The following NRXN3 variants were observed in gnomAD, a reference collection of about 807,000 sequenced individuals.
NRXN3 encodes neurexin 3, also known as neurexin III.
NRXN3 carries 32 observed loss-of-function variants against 137.6 expected under a neutral mutation model. That is an observed-to-expected ratio of 0.23 (90% CI 0.18 to 0.31). The LOEUF (loss-of-function observed/expected upper bound fraction) is 0.31. NRXN3 is among the 10% of genes least tolerant of loss of function. The pLI is 1.00. For missense variants in NRXN3, 1,574 were observed against 2,062.5 expected (o/e 0.76, Z 4.59); for synonymous variants, 798 against 784.5 (o/e 1.02, Z -0.29).
intron 4 of NRXN3, among the ~76,000 whole-genome samples, chr14:78,363,567 G>A (rs2085455692): frequency 6.6e-6 from 1 of 152,168 alleles, no homozygotes; most frequent in Non-Finnish European, 1.5e-5. Context: ...GTTAGTCAAT[G>A]TCAGAACCTC....
chr14:78,967,284 A>C lies in NRXN3; in HGVS notation c.2854A>C (p.Asn952His). Residue 952 changes from asparagine to histidine, a missense_variant, in exon 13 of 21, where the codon AAC becomes CAC. Physicochemically the swap from Asn to His is moderately conservative, Grantham distance 68 (BLOSUM62 1). Around this residue, in one of 5 missense-constraint regions of NRXN3, gnomAD observed 718 missense variants for 887.6 expected, o/e 0.81. Transcript: ENST00000335750. ...KGNSDRPLNDNQWHNVVITRD... is the reference protein window; with the variant it reads ...KGNSDRPLNDHQWHNVVITRD... ...CAACAGTGACCGCCCCCTGAATGAC[A>C]ACCAGTGGCACAATGTCGTCATCAC... 1 of 1,613,870 alleles carries C rather than the reference A, an allele frequency of 6.2e-7. No homozygotes were observed. Among genetic ancestry groups the C allele is most frequent in the Non-Finnish European group, 8.5e-7 (1 of 1,179,950 alleles).
chr14:78,980,602 G>A (rs1182994033), intron 14 of NRXN3, among the ~76,000 whole-genome samples: 1 of 152,118 alleles, frequency 6.6e-6, no homozygotes, highest in Middle Eastern at 3.2e-3. Context: ...GCAGTAACAG[G>A]CATAAAATGG....
chr14:79,470,522 G>T (rs1365193836), intron 16 of NRXN3, among the ~76,000 whole-genome samples: 2 of 152,142 alleles, frequency 1.3e-5, no homozygotes, highest in East Asian at 3.9e-4. Flanking sequence ...CATGACCTAA[G>T]CGCTTTCCAA....
Position 79,798,266 on chromosome 14 carries a change from A to G in NRXN3, c.4015-6846A>G, listed in dbSNP as rs77122948. On this transcript the variant is annotated intron_variant, in intron 19 of 20. Coordinates refer to ENST00000335750, the MANE Select transcript of NRXN3 (RefSeq NM_001330195.2). ...AAAGGTTATAGGTTTACTTAGAGTCAATAGGTATTAGGTAATTGAAAAACT... is the reference window on the plus strand; with the variant it reads ...AAAGGTTATAGGTTTACTTAGAGTCGATAGGTATTAGGTAATTGAAAAACT... Among the ~76,000 whole-genome samples, 336 of 152,328 alleles carry G rather than the reference A, an allele frequency of 2.2e-3. 10 individuals are homozygous for G. The East Asian group carries it at 0.044, about 20-fold the overall frequency.
intron 15 of NRXN3, among the ~76,000 whole-genome samples, chr14:79,250,137 A>C (rs1251906113): frequency 6.6e-6 from 1 of 152,226 alleles, no homozygotes; most frequent in East Asian, 1.9e-4. Context: ...TAAAAGATAG[A>C]GGAATTCTAA....
At chr14:79,251,168 C>T (rs1038449161) in intron 15 of NRXN3, among the ~76,000 whole-genome samples, 4 of 152,096 alleles carry the variant, frequency 2.6e-5, no homozygotes, top group Admixed American at 2.0e-4. Flanking sequence ...TTGTGCAAAG[C>T]AGTGAAATTA....
chr14:79,038,988 A>G (rs1048956949), intron 15 of NRXN3, among the ~76,000 whole-genome samples: 4 of 151,940 alleles, frequency 2.6e-5, no homozygotes, highest in Admixed American at 6.6e-5. Context: ...AGAGAAGAAT[A>G]TTGTTAAATA....
At chr14:79,049,514 A>G (rs1465368903) in intron 15 of NRXN3, among the ~76,000 whole-genome samples, 1 of 152,234 alleles carries the variant, frequency 6.6e-6, no homozygotes, top group Non-Finnish European at 1.5e-5. Flanking sequence ...ACGGGGGTTG[A>G]CATCAACTTC....
intron 4 of NRXN3, among the ~76,000 whole-genome samples, chr14:78,628,807 GC>G (rs1317633155): frequency 6.6e-6 from 1 of 152,196 alleles, no homozygotes; most frequent in Non-Finnish European, 1.5e-5. Flanking sequence ...AGCCACAGAA[GC>G]CCTAGAAGAT....
intron 4 of NRXN3, among the ~76,000 whole-genome samples, chr14:78,328,101 A>G (rs1231309375): frequency 1.3e-5 from 2 of 152,180 alleles, no homozygotes; most frequent in Non-Finnish European, 2.9e-5. Flanking sequence ...AAGTTGACAC[A>G]TAACAAAGCC....
At chr14:78,402,524 A>T (rs2092164682) in intron 4 of NRXN3, among the ~76,000 whole-genome samples, 1 of 152,214 alleles carries the variant, frequency 6.6e-6, no homozygotes. Context: ...GTCCTTAACA[A>T]GCCATTGTAT....
intron 19 of NRXN3, among the ~76,000 whole-genome samples, chr14:79,771,306 G>A (rs879154724): frequency 1.3e-5 from 2 of 152,088 alleles, no homozygotes; most frequent in Admixed American, 6.6e-5. Context: ...ACCAAAGCCG[G>A]GCAGAGACAC....
chr14:79,064,363 C>G (rs566481801), intron 15 of NRXN3, among the ~76,000 whole-genome samples: 3 of 152,060 alleles, frequency 2.0e-5, no homozygotes, highest in African/African-American at 7.2e-5. Flanking sequence ...GAAGTCATTA[C>G]AGTCTTCATA....
chr14:79,168,289 A>G (rs1041068773), intron 15 of NRXN3, among the ~76,000 whole-genome samples: 4 of 152,002 alleles, frequency 2.6e-5, no homozygotes, highest in Non-Finnish European at 5.9e-5. Flanking sequence ...CATCTACTTG[A>G]CCCAGCAAAA....
intron 6 of NRXN3, among the ~76,000 whole-genome samples, chr14:78,701,405 G>T (rs555810915): frequency 4.7e-4 from 71 of 152,304 alleles, no homozygotes; most frequent in African/African-American, 1.5e-3. Context: ...TCATGGCTCT[G>T]TGATTCATGA....
chr14:79,421,583 AT>A (rs1218418903), intron 15 of NRXN3, among the ~76,000 whole-genome samples: 5 of 152,290 alleles, frequency 3.3e-5, no homozygotes, highest in East Asian at 1.9e-4. Context: ...TCTAGAATCT[AT>A]TTCTATTTCT....
chr14:79,808,420 T>C (rs920618358), intron 20 of NRXN3, among the ~76,000 whole-genome samples: 1 of 152,014 alleles, frequency 6.6e-6, no homozygotes, highest in Non-Finnish European at 1.5e-5. Flanking sequence ...TGGTGACATT[T>C]ACACATCTTT....
chr14:78,266,426 G>C (rs962696283), intron 2 of NRXN3, among the ~76,000 whole-genome samples: 2 of 152,058 alleles, frequency 1.3e-5, no homozygotes, highest in African/African-American at 4.8e-5. Flanking sequence ...AGCTTCCTGA[G>C]TAGCTGAGAT....
chr14:79,636,488 A>G (rs1276888651), intron 16 of NRXN3, among the ~76,000 whole-genome samples: 2 of 152,180 alleles, frequency 1.3e-5, no homozygotes, highest in Non-Finnish European at 2.9e-5. Context: ...TGTGTCACAT[A>G]GAGTGTTTAG....
Sources: gnomAD v4.1 joint callset for allele counts (sites outside exome capture counted in the v4.1 genomes callset) on GRCh38, gnomAD v4.1.1 for gene constraint, gnomAD v4.1.1 regional missense constraint, MANE v1.5 for transcripts, NCBI Gene and HGNC (gene_info 2026-07-23, HGNC 2026-07-21) for gene names.